Variants in ACSL3 observed in about 807,000 individuals in gnomAD.
ACSL3 encodes the protein fatty acid CoA ligase Acsl3.
A neutral mutation model predicts 84.7 loss-of-function variants in ACSL3; 34 were observed. That is an observed-to-expected ratio of 0.40 (90% CI 0.31 to 0.53). The LOEUF (loss-of-function observed/expected upper bound fraction) is 0.53. Among genes scored for constraint, ACSL3 ranks in the 20% least tolerant of loss-of-function variants. The probability of loss-of-function intolerance (pLI) is 0.48; values close to 1 mark genes in which losing one functional copy is unlikely to be tolerated. For synonymous variants in ACSL3, 315 were observed against 299.4 expected, an observed-to-expected ratio of 1.05 and a Z score of -0.54; for missense variants, 680 against 873.1, an observed-to-expected ratio of 0.78 and a Z score of 2.79.
chr2:222,928,438 G>A (rs1696938465), intron 12 of ACSL3, among the ~76,000 whole-genome samples: 1 of 152,110 alleles, frequency 6.6e-6, no homozygotes, highest in African/African-American at 2.4e-5. Flanking sequence ...TCAAACTCAA[G>A]AACCAGGCAG....
rs201026229 is a variant in ACSL3, at chr2:222,874,993, A to AT, written c.-206-12836dup. ...TAAAAATAGAATTGAAGAATTAAAA[A>AT]TCTTCATTTATGTGAAAATTTGAAT... On this transcript the variant is annotated intron_variant, in intron 1 of 16. Transcript: ENST00000357430. 2.9e-3 allele frequency among the ~76,000 whole-genome samples: 435 copies of AT among 152,224 alleles called. 2 individuals are homozygous for AT. Among genetic ancestry groups the AT allele is most frequent in the African/African-American group, 9.7e-3 (404 of 41,536 alleles).
At chr2:222,899,429 C>T (rs376621754) in intron 2 of ACSL3, among the ~76,000 whole-genome samples, 1 of 151,946 alleles carries the variant, frequency 6.6e-6, no homozygotes, top group Non-Finnish European at 1.5e-5. Flanking sequence ...GAGCCGAGAT[C>T]GCATCACTGC....
intron 11 of ACSL3, 97 bp from the exon 12 acceptor site, chr2:222,926,914 TAATCTC>T: frequency 7.7e-7 from 1 of 1,291,612 alleles, no homozygotes; most frequent in Non-Finnish European, 1.1e-6. Context: ...ATAAGTAACT[TAATCTC>T]AAAATCTCTC....
rs1426709488 is a variant in ACSL3 at position 222,897,695 on chromosome 2, G to A, written c.-147-2979G>A. Among the ~76,000 whole-genome samples the A allele has an allele frequency of 5.0e-5, 2 of 40,348 alleles. 1 individual carries two copies. The allele number at this position is 40,348 out of a possible 152,430, so 26.5% of individuals were successfully genotyped here. A position where few individuals can be genotyped will look rare whatever the true frequency, so the allele number is the denominator to read the frequency against. ...GGCACCTCGGGAGGCCGAGGCTGGC[G>A]GATCACTCGCGGTTAGGAGCTGGAG... On this transcript the variant is annotated intron_variant, in intron 2 of 16. Coordinates refer to ENST00000357430, the MANE Select transcript of ACSL3 (RefSeq NM_004457.5).
intron 13 of ACSL3, 66 bp downstream of exon 13, chr2:222,929,002 A>G: frequency 7.4e-7 from 1 of 1,353,578 alleles, no homozygotes; most frequent in Non-Finnish European, 1.0e-6. Flanking sequence ...TTAGTGCTTC[A>G]CTTTCTTGCT....
rs567070737 is a variant in ACSL3, at chr2:222,926,921, A to C, written c.1293-96A>C. 146 of 1,347,846 alleles carry C rather than the reference A, an allele frequency of 1.1e-4. 1 individual carries two copies. In the South Asian group the frequency reaches 2.1e-3, roughly 19 times the overall value. 83.5% of individuals were successfully genotyped at this position (1,347,846 alleles called of 1,614,324 possible). On this transcript the variant is annotated intron_variant, in intron 11 of 16. Transcript: ENST00000357430. ...GACCTTGGATAAGTAACTTAATCTCAAAATCTCTCATATCAAAACTGGGGG... is the reference window on the plus strand; with the variant it reads ...GACCTTGGATAAGTAACTTAATCTCCAAATCTCTCATATCAAAACTGGGGG...
At chr2:222,908,640 A>G (rs955452861) in intron 3 of ACSL3, 93 bp from the exon 4 acceptor site, 6 of 829,414 alleles carry the variant, frequency 7.2e-6, no homozygotes, top group Non-Finnish European at 1.1e-5. Context: ...GCTGCCTGAT[A>G]GAAAAAAAAA....
chr2:222,935,272 C>T (rs776159678), intron 16 of ACSL3, among the ~76,000 whole-genome samples: 1 of 152,134 alleles, frequency 6.6e-6, no homozygotes, highest in South Asian at 2.1e-4. Flanking sequence ...TTACTGCAGC[C>T]TTGAACTCCC....
In ACSL3 at chr2:222,880,175, G is replaced by A. The variant is rs187035699; in HGVS notation, c.-206-7655G>A. Among the ~76,000 whole-genome samples the A allele has an allele frequency of 3.8e-3, 581 of 152,268 alleles. 2 individuals are homozygous for A. Among genetic ancestry groups the A allele is most frequent in the Middle Eastern group, 0.02 (6 of 294 alleles). On this transcript the variant is annotated intron_variant, in intron 1 of 16. Coordinates refer to ENST00000357430, the MANE Select transcript of ACSL3 (RefSeq NM_004457.5). ...TTTTGATATGGAATAGGGCAAATAT[G>A]CATTAAATATGCTGTTTCTCAAAGT...
intron 10 of ACSL3, 55 bp downstream of exon 10, chr2:222,923,204 A>G (rs1696786547): frequency 2.2e-6 from 3 of 1,368,086 alleles, no homozygotes; most frequent in Middle Eastern, 1.8e-4. Flanking sequence ...ACCCGCTACA[A>G]AGCATTAGTG....
chr2:222,921,273 A>C lies in ACSL3; in HGVS notation c.806-7A>C. On this transcript the variant is annotated splice_polypyrimidine_tract_variant and splice_region_variant and intron_variant, in intron 7 of 16. Coordinates refer to ENST00000357430, the MANE Select transcript of ACSL3 (RefSeq NM_004457.5). ...GTGTATGTGTGTGTTTTTTCTCTTC[A>C]ATGCAGAAAACCAACCTCATAGCAA... 1.3e-6 allele frequency: 2 copies of C among 1,587,374 alleles called. No homozygotes were observed. The highest frequency in any genetic ancestry group is 1.7e-6 in the Non-Finnish European group (2 of 1,159,230).
intron 1 of ACSL3, among the ~76,000 whole-genome samples, chr2:222,886,585 A>G (rs1695728670): frequency 6.6e-6 from 1 of 152,250 alleles, no homozygotes; most frequent in Non-Finnish European, 1.5e-5. Flanking sequence ...TTTGCTTCGC[A>G]GGTGATAGAG....
chr2:222,884,673 C>T (rs1181129208), intron 1 of ACSL3, among the ~76,000 whole-genome samples: 1 of 152,150 alleles, frequency 6.6e-6, no homozygotes, highest in Non-Finnish European at 1.5e-5. Flanking sequence ...CATTTAGGGA[C>T]CACTGGGTAA....
intron 7 of ACSL3, chr2:222,920,807 C>G (rs899099449): frequency 2.9e-6 from 1 of 344,882 alleles, no homozygotes; most frequent in Non-Finnish European, 5.9e-6. Context: ...GCCACTCTTC[C>G]TCTTGCTCAC....
chr2:222,907,232 G>T (rs528167327), intron 3 of ACSL3, among the ~76,000 whole-genome samples: 1 of 152,162 alleles, frequency 6.6e-6, no homozygotes, highest in Non-Finnish European at 1.5e-5. Flanking sequence ...GGTGTCCTTG[G>T]CCTGATGCAT....
chr2:222,934,020 T>C (rs1463560928), intron 15 of ACSL3, among the ~76,000 whole-genome samples: 1 of 152,200 alleles, frequency 6.6e-6, no homozygotes, highest in Non-Finnish European at 1.5e-5. Context: ...TTTTATGGCC[T>C]TCAAAAAAGT....
At chr2:222,922,569 T>A (rs1042153188) in intron 8 of ACSL3, 139 bp from the exon 9 acceptor site, 20 of 1,023,372 alleles carry the variant, frequency 2.0e-5, no homozygotes, top group South Asian at 8.1e-5. Flanking sequence ...TCTCTCTCTC[T>A]CACAAACACA....
Position 222,919,172 on chromosome 2 carries a change from G to T in ACSL3, c.775G>T (p.Val259Leu). ...KGIIVHTMAA[V>L]EALGAKASME... ...CATCATTGTGCATACCATGGCTGCA[G>T]TGGAGGCCCTGGGAGCCAAGGCCAG... is the stretch of plus-strand genomic sequence containing the variant. The change falls in exon 7 of 17, where the codon GTG becomes TTG. Residue 259 changes from valine to leucine, a missense_variant. Physicochemically the swap from Val to Leu is conservative, Grantham distance 32. Around this residue, in one of 2 missense-constraint regions of ACSL3, gnomAD observed 333 missense variants for 347.5 expected, o/e 0.96. Transcript: ENST00000357430. 2 of 1,614,134 alleles carry T rather than the reference G, an allele frequency of 1.2e-6. No homozygotes were observed. The highest frequency in any genetic ancestry group is 1.7e-6 in the Non-Finnish European group (2 of 1,179,982).
At chr2:222,921,244 G>A (rs2106128941) in intron 7 of ACSL3, 36 bp from the exon 8 acceptor site, 1 of 1,578,972 alleles carries the variant, frequency 6.3e-7, no homozygotes, top group Non-Finnish European at 8.6e-7. Context: ...TGAATCTCAT[G>A]AAAGTGTATG....
Sources: gnomAD v4.1 joint callset for allele counts (sites outside exome capture counted in the v4.1 genomes callset) on GRCh38, gnomAD v4.1.1 for gene constraint, gnomAD v4.1.1 regional missense constraint, MANE v1.5 for transcripts, NCBI Gene and HGNC (gene_info 2026-07-23, HGNC 2026-07-21) for gene names.